SAG: variants seen among roughly 807,000 people sequenced by gnomAD.
The protein encoded by SAG is S-antigen visual arrestin, also known as S-arrestin.
In SAG, 45 loss-of-function variants were observed where a neutral mutation model predicts 55.0. The ratio of observed to expected loss-of-function variants is 0.82; its 90% CI spans 0.64 to 1.05. The LOEUF (loss-of-function observed/expected upper bound fraction) is 1.05. Ranked by LOEUF, SAG falls within the 50% of genes least tolerant of loss-of-function variation. SAG has a pLI of 0.00. For synonymous variants in SAG, 189 were observed against 197.4 expected (o/e 0.96, Z 0.36); for missense variants, 455 against 512.1 (o/e 0.89, Z 1.08).
rs774711256 is a variant in SAG at position 233,320,839 on chromosome 2, G to A, written c.375+16G>A. 78 of 1,566,076 alleles carry A rather than the reference G, an allele frequency of 5.0e-5. No individual in the cohort carries two copies. The highest frequency in any genetic ancestry group is 1.1e-4 in the African/African-American group (8 of 73,478). On this transcript the variant is annotated intron_variant, in intron 5 of 15. Transcript: ENST00000409110. The stretch of plus-strand genomic sequence containing the variant: ...TCTCCTGACGGTGGGTGACTCCTCC[G>A]GCCAGCCCTGCTTCCTTCACCCGCA...
At chr2:233,315,063 G>A (rs1021181906) in intron 2 of SAG, among the ~76,000 whole-genome samples, 1 of 152,160 alleles carries the variant, frequency 6.6e-6, no homozygotes, top group African/African-American at 2.4e-5. Context: ...TTAAAGTGCT[G>A]AGGGCTGGGA....
At chr2:233,343,110 T>G (rs1002437709) in intron 14 of SAG, 2 of 124,678 alleles carry the variant, frequency 1.6e-5, no homozygotes, top group African/African-American at 6.1e-5. Context: ...TTTTCTGAGA[T>G]GGAGTCTCTG....
At chr2:233,331,880 T>C (rs1047456884) in intron 10 of SAG, 168 bp downstream of exon 10, 2 of 646,008 alleles carry the variant, frequency 3.1e-6, no homozygotes, top group African/African-American at 3.6e-5. Flanking sequence ...GCATCTTAGC[T>C]CTGCATCTAC....
intron 14 of SAG, chr2:233,342,762 ATT>A (rs199512697): frequency 6.6e-4 from 102 of 155,496 alleles, no homozygotes; most frequent in South Asian, 1.7e-3. Flanking sequence ...AAAGAAGATA[ATT>A]TTTTTTTTTT....
intron 9 of SAG, among the ~76,000 whole-genome samples, chr2:233,330,303 G>A (rs3792095): frequency 0.057 from 8,640 of 152,156 alleles, 298 homozygotes; most frequent in Non-Finnish European, 0.064. Flanking sequence ...ACTGTCCCAG[G>A]GCCCAGGACT....
chr2:233,318,132 C>T (rs1185072291), intron 3 of SAG, among the ~76,000 whole-genome samples: 4 of 152,082 alleles, frequency 2.6e-5, no homozygotes, highest in Non-Finnish European at 5.9e-5. Flanking sequence ...CACCACCGCA[C>T]CTGGCCCATG....
chr2:233,340,388 G>A lies in SAG; in HGVS notation c.1023-67G>A. On this transcript the variant is annotated intron_variant, in intron 12 of 15. Coordinates refer to ENST00000409110, the MANE Select transcript of SAG (RefSeq NM_000541.5). The surrounding 1 kb of genome is among the most constrained non-coding windows in gnomAD (Gnocchi z 4.2). ...GAGAGCTGGGCTGTGTCCTGCCTCT[G>A]AATCATGGGAAAGGGTCGTGTTACC... The A allele has an allele frequency of 6.9e-7, 1 of 1,454,240 alleles. No individual in the cohort carries two copies. Among genetic ancestry groups the A allele is most frequent in the East Asian group, 2.3e-5 (1 of 43,498 alleles). The allele number at this position is 1,454,240 out of a possible 1,614,324, so 90.1% of individuals were successfully genotyped here.
chr2:233,336,493 G>A (rs1258773836), intron 11 of SAG, among the ~76,000 whole-genome samples: 2 of 150,166 alleles, frequency 1.3e-5, no homozygotes, highest in African/African-American at 4.9e-5. Flanking sequence ...CCAGCCTGGT[G>A]ACAGAGCAAG....
intron 5 of SAG, among the ~76,000 whole-genome samples, chr2:233,322,333 GTT>G (rs1429628640): frequency 6.6e-6 from 1 of 152,088 alleles, no homozygotes; most frequent in Non-Finnish European, 1.5e-5. Flanking sequence ...GACTGGCTAC[GTT>G]AAGTGTACAT....
chr2:233,320,614 T>G lies in SAG; in HGVS notation c.182-16T>G. On this transcript the variant is annotated splice_polypyrimidine_tract_variant and intron_variant, in intron 4 of 15. Transcript: ENST00000409110. ...GCCGAGGGCCAAGTCCGACCCTGCC[T>G]TCATCTCCCTTGCAGTGTATGTCAC... 1 of 1,560,952 alleles carries G rather than the reference T, an allele frequency of 6.4e-7. No homozygotes were observed. Among genetic ancestry groups the G allele is most frequent in the Non-Finnish European group, 8.6e-7 (1 of 1,156,908 alleles).
rs141521563 is a variant in SAG, at chr2:233,320,749, G to A, written c.301G>A (p.Ala101Thr). ...RVQVYPPVGA[A>T]STPTKLQESL... ...CCAGGTGTATCCTCCTGTGGGGGCC[G>A]CGAGCACCCCCACAAAACTGCAAGA... The change falls in exon 5 of 16, where the codon GCG (alanine) becomes ACG (threonine). Residue 101 changes from alanine (A) to threonine (T), a missense_variant. Transcript: ENST00000409110. 5.4e-3 allele frequency: 8,742 copies of A among 1,605,992 alleles called. 38 individuals carry two copies. The highest frequency in any genetic ancestry group is 0.023 in the Middle Eastern group (138 of 6,054).
At chr2:233,311,150 T>C (rs1469515395) in intron 2 of SAG, among the ~76,000 whole-genome samples, 2 of 152,160 alleles carry the variant, frequency 1.3e-5, no homozygotes, top group African/African-American at 2.4e-5. Flanking sequence ...AATTCCTGTC[T>C]CATGTATTCA....
At position 233,334,409 on chromosome 2, in the gene SAG, G is replaced by A. The variant is rs543677597; in HGVS notation, c.807-553G>A. The stretch of plus-strand genomic sequence containing the variant: ...TCAGATGTTGAGAAATCTATACCCC[G>A]ACTGATGATGAAGAAGATCCAGTAG... On this transcript the variant is annotated intron_variant, in intron 10 of 15. Coordinates refer to ENST00000409110, the MANE Select transcript of SAG (RefSeq NM_000541.5). 1.1e-3 allele frequency: 172 copies of A among 152,438 alleles called. 1 individual carries two copies. Among genetic ancestry groups the A allele is most frequent in the South Asian group, 0.01 (49 of 4,836 alleles). 9.4% of individuals were successfully genotyped at this position (152,438 alleles called of 1,614,324 possible).
At chr2:233,346,052 C>G (rs1701245136) in intron 14 of SAG, 1 of 156,408 alleles carries the variant, frequency 6.4e-6, no homozygotes, top group South Asian at 2.0e-4. Context: ...ACTTGGGAGC[C>G]TGAGACACGA....
chr2:233,309,130 CCAACCCTCTAA>C (rs1700008843), intron 1 of SAG, 21 bp from the exon 2 acceptor site: 1 of 1,355,366 alleles, frequency 7.4e-7, no homozygotes, highest in Non-Finnish European at 1.0e-6. Flanking sequence ...TTACCTTTCT[CCAACCCTCTAA>C]CACCTGACCA....
chr2:233,331,449 C>A (rs1700759944), intron 9 of SAG, 191 bp from the exon 10 acceptor site: 1 of 645,334 alleles, frequency 1.5e-6, no homozygotes, highest in Non-Finnish European at 2.8e-6. Context: ...TTATGGGTGA[C>A]CAGAAATGGC....
At chr2:233,338,491 G>T (rs11687890) in intron 11 of SAG, 185 bp from the exon 12 acceptor site, 1 of 610,142 alleles carries the variant, frequency 1.6e-6, no homozygotes, top group East Asian at 2.8e-5. Flanking sequence ...CCTCCAGTGC[G>T]TGCAAGGAGT....
At chr2:233,326,418 C>T (rs13400538) in intron 6 of SAG, among the ~76,000 whole-genome samples, 58,940 of 151,614 alleles carry the variant, frequency 0.39, 12,921 homozygotes, top group South Asian at 0.55. Flanking sequence ...AACCCCAACT[C>T]TACTAAAAAT....
chr2:233,326,344 T>C (rs1700555269), intron 6 of SAG, among the ~76,000 whole-genome samples: 2 of 152,178 alleles, frequency 1.3e-5, no homozygotes, highest in Non-Finnish European at 2.9e-5. Flanking sequence ...CCCAGCACTT[T>C]GGGAGGCCAA....
Sources: gnomAD v4.1 joint callset for allele counts (sites outside exome capture counted in the v4.1 genomes callset) on GRCh38, gnomAD v4.1.1 for gene constraint, Gnocchi (gnomAD v3.1) non-coding constraint, MANE v1.5 for transcripts, NCBI Gene and HGNC (gene_info 2026-07-23, HGNC 2026-07-21) for gene names.